The following KLHL24 variants were observed in gnomAD, a reference collection of about 807,000 sequenced individuals.
KLHL24 encodes the protein kelch-like protein 24.
KLHL24 carries 29 observed loss-of-function variants against 53.4 expected under a neutral mutation model. The ratio of observed to expected loss-of-function variants is 0.54; its 90% CI spans 0.40 to 0.74. The LOEUF (loss-of-function observed/expected upper bound fraction) is 0.74, where lower values mean the gene tolerates loss of function less well. KLHL24 is among the 30% of genes least tolerant of loss of function. KLHL24 has a pLI of 0.00. For missense variants in KLHL24, 504 were observed against 744.0 expected, an observed-to-expected ratio of 0.68 and a Z score of 3.75; for synonymous variants, 222 against 253.7, an observed-to-expected ratio of 0.88 and a Z score of 1.19.
chr3:183,649,405 C>T (rs1717797178), intron 2 of KLHL24, among the ~76,000 whole-genome samples: 1 of 151,882 alleles, frequency 6.6e-6, no homozygotes, highest in Non-Finnish European at 1.5e-5. Context: ...GTGGTTTGAC[C>T]AATCCCCTCT....
intron 1 of KLHL24, among the ~76,000 whole-genome samples, chr3:183,639,368 C>T (rs1267214481): frequency 2.0e-5 from 3 of 152,172 alleles, no homozygotes; most frequent in Admixed American, 6.5e-5. Flanking sequence ...CGGTGGCTCA[C>T]GCCTGTAATC....
intron 1 of KLHL24, among the ~76,000 whole-genome samples, chr3:183,639,207 A>C (rs1715892682): frequency 6.6e-6 from 1 of 152,154 alleles, no homozygotes; most frequent in South Asian, 2.1e-4. Flanking sequence ...TCTCAAAAAA[A>C]AAAGTGGGCT....
At chr3:183,639,896 G>C (rs1294095797) in intron 1 of KLHL24, among the ~76,000 whole-genome samples, 3 of 151,730 alleles carry the variant, frequency 2.0e-5, no homozygotes, top group Non-Finnish European at 4.4e-5. Flanking sequence ...GTGGTAGCAC[G>C]CTCCTGTAAT....
intron 3 of KLHL24, among the ~76,000 whole-genome samples, chr3:183,654,613 G>T (rs1039357616): frequency 6.6e-6 from 1 of 151,820 alleles, no homozygotes; most frequent in Non-Finnish European, 1.5e-5. Flanking sequence ...TATCTAATAC[G>T]CAATCTGTAT....
chr3:183,636,695 T>G (rs1183091537), intron 1 of KLHL24: 1 of 152,268 alleles, frequency 6.6e-6, no homozygotes, highest in Non-Finnish European at 1.5e-5. Flanking sequence ...GAGTTTTTAT[T>G]GTCACTAGGT....
At chr3:183,640,397 T>C (rs1440351247) in intron 1 of KLHL24, among the ~76,000 whole-genome samples, 1 of 152,208 alleles carries the variant, frequency 6.6e-6, no homozygotes, top group Non-Finnish European at 1.5e-5. Flanking sequence ...TATTGTTTAG[T>C]CTGACACATT....
intron 1 of KLHL24, among the ~76,000 whole-genome samples, chr3:183,639,402 G>A (rs1451921907): frequency 4.0e-5 from 6 of 148,904 alleles, no homozygotes; most frequent in Non-Finnish European, 8.9e-5. Flanking sequence ...AGGCCAAGGC[G>A]GGCAGATCAC....
chr3:183,653,627 G>A (rs145409551), intron 3 of KLHL24, among the ~76,000 whole-genome samples: 96 of 152,272 alleles, frequency 6.3e-4, no homozygotes, highest in African/African-American at 1.9e-3. Flanking sequence ...AAACAGGAAC[G>A]TATAAAACCT....
At chr3:183,660,490 C>T (rs1719578054) in intron 3 of KLHL24, among the ~76,000 whole-genome samples, 1 of 152,076 alleles carries the variant, frequency 6.6e-6, no homozygotes, top group African/African-American at 2.4e-5. Context: ...TATATGGTGT[C>T]TTTCCATAAC....
At chr3:183,670,492 G>T (rs1185669082) in intron 5 of KLHL24, among the ~76,000 whole-genome samples, 1 of 152,158 alleles carries the variant, frequency 6.6e-6, no homozygotes, top group Non-Finnish European at 1.5e-5. Context: ...AGTTCATTTT[G>T]TGTCAAGTAC....
At chr3:183,646,361 CAAAA>C (rs35945634) in intron 2 of KLHL24, among the ~76,000 whole-genome samples, 6 of 66,764 alleles carry the variant, frequency 9.0e-5, no homozygotes, top group African/African-American at 1.0e-4. Flanking sequence ...GACTCCATCT[CAAAA>C]AAAAAAAAAA....
intron 3 of KLHL24, among the ~76,000 whole-genome samples, chr3:183,657,829 A>G (rs1190471578): frequency 6.6e-6 from 1 of 152,224 alleles, no homozygotes; most frequent in Non-Finnish European, 1.5e-5. Context: ...TATACATTGT[A>G]AATCTCCCTC....
chr3:183,641,232 C>T (rs1001882622), intron 1 of KLHL24, among the ~76,000 whole-genome samples: 6 of 152,084 alleles, frequency 3.9e-5, no homozygotes, highest in Admixed American at 1.3e-4. Flanking sequence ...CAGTGGCTCA[C>T]GCCTGTAATC....
At chr3:183,665,849 A>G (rs6807440) in intron 5 of KLHL24, among the ~76,000 whole-genome samples, 50,241 of 151,072 alleles carry the variant, frequency 0.33, 9,233 homozygotes, top group African/African-American at 0.49. Flanking sequence ...TTTGGGTTCT[A>G]AACCATCTAC....
intron 6 of KLHL24, among the ~76,000 whole-genome samples, chr3:183,672,052 T>G (rs1342619389): frequency 2.0e-5 from 3 of 152,220 alleles, no homozygotes; most frequent in Non-Finnish European, 4.4e-5. Context: ...ACAAACCTGG[T>G]GGCCATTCAT....
chr3:183,666,257 A>G (rs546614817), intron 5 of KLHL24, among the ~76,000 whole-genome samples: 1 of 131,270 alleles, frequency 7.6e-6, no homozygotes, highest in South Asian at 2.2e-4. Flanking sequence ...CTGATTTTGG[A>G]TATTTTTTTT....
At position 183,651,110 on chromosome 3, in the gene KLHL24, C is replaced by T. The variant is rs1189389573; in HGVS notation, c.754C>T (p.Leu252=). ...DLRRPLLHEL[L]THVRLPLLHP... ...GAGAAGACCACTGTTACACGAGCTCCTGACACATGTGAGACTCCCTCTGTT... is the reference window on the plus strand; with the variant it reads ...GAGAAGACCACTGTTACACGAGCTCTTGACACATGTGAGACTCCCTCTGTT... The change falls in exon 3 of 8, where the codon CTG becomes TTG. Residue 252 remains leucine (L), a synonymous_variant. Transcript: ENST00000242810. The T allele has an allele frequency of 4.3e-6, 7 of 1,614,176 alleles. No individual in the cohort carries two copies. Among genetic ancestry groups the T allele is most frequent in the African/African-American group, 1.3e-5 (1 of 75,048 alleles).
At chr3:183,664,319 G>A (rs897792087) in intron 4 of KLHL24, among the ~76,000 whole-genome samples, 4 of 152,018 alleles carry the variant, frequency 2.6e-5, no homozygotes, top group Non-Finnish European at 5.9e-5. Flanking sequence ...GAAATTCTCC[G>A]CAAAGTTTAT....
At chr3:183,673,599 C>T (rs533486544) in intron 7 of KLHL24, among the ~76,000 whole-genome samples, 1 of 152,248 alleles carries the variant, frequency 6.6e-6, no homozygotes, top group Admixed American at 6.5e-5. Flanking sequence ...CCCACACTGC[C>T]ACCTCCCAAA....
Sources: gnomAD v4.1 joint callset for allele counts (sites outside exome capture counted in the v4.1 genomes callset) on GRCh38, gnomAD v4.1.1 for gene constraint, MANE v1.5 for transcripts, NCBI Gene and HGNC (gene_info 2026-07-23, HGNC 2026-07-21) for gene names.